The following TBXAS1 variants were observed in gnomAD, a reference collection of about 807,000 sequenced individuals.
The protein encoded by TBXAS1 is thromboxane-A synthase.
TBXAS1 carries 48 observed loss-of-function variants against 60.7 expected under a neutral mutation model. That is an observed-to-expected ratio of 0.79 (90% CI 0.63 to 1.01). The LOEUF (loss-of-function observed/expected upper bound fraction) is 1.01, where lower values mean the gene tolerates loss of function less well. Ranked by LOEUF, TBXAS1 falls within the 50% of genes least tolerant of loss-of-function variation. TBXAS1 has a pLI of 0.00. For synonymous variants in TBXAS1, 287 were observed against 269.7 expected, an observed-to-expected ratio of 1.06 and a Z score of -0.63; for missense variants, 685 against 686.3, an observed-to-expected ratio of 1.00 and a Z score of 0.02.
At chr7:139,895,370 T>C (rs995524249) in intron 3 of TBXAS1, among the ~76,000 whole-genome samples, 6 of 152,228 alleles carry the variant, frequency 3.9e-5, no homozygotes, top group African/African-American at 1.4e-4. Context: ...CTTAAAGCCA[T>C]GTCTTGCAGG....
At chr7:139,986,787 G>GTA (rs1569522798) in intron 9 of TBXAS1, among the ~76,000 whole-genome samples, 4 of 86,296 alleles carry the variant, frequency 4.6e-5, no homozygotes, top group African/African-American at 1.9e-4. Flanking sequence ...GTGTGTGTGT[G>GTA]TGTGTGTGTG....
chr7:139,939,049 C>G (rs1053762544), intron 5 of TBXAS1, among the ~76,000 whole-genome samples: 10 of 152,186 alleles, frequency 6.6e-5, no homozygotes, highest in African/African-American at 2.2e-4. Context: ...AATAGAGTTC[C>G]TCAATATGTC....
chr7:139,941,522 A>G lies in TBXAS1; in HGVS notation c.450+5215A>G, dbSNP rs547461392. 2.6e-3 allele frequency among the ~76,000 whole-genome samples: 391 copies of G among 152,252 alleles called. 1 individual carries two copies. The highest frequency in any genetic ancestry group is 9.1e-3 in the African/African-American group (377 of 41,546). ...GTGATTCATGCATCTCCAAGTCAGG[A>G]AAAAGAGACTATTGGAATCATAGCC... On this transcript the variant is annotated intron_variant, in intron 5 of 12. Coordinates refer to ENST00000448866, the MANE Select transcript of TBXAS1 (RefSeq NM_001061.7).
chr7:139,975,129 G>A lies in TBXAS1; in HGVS notation c.1134+12896G>A, dbSNP rs117175776. On this transcript the variant is annotated intron_variant, in intron 9 of 12. Transcript: ENST00000448866. The surrounding 1 kb of genome is among the most constrained non-coding windows in gnomAD (Gnocchi z 4.4). ...AGAAAACCTCAGTTTTTGCTCTTAC[G>A]GCCTTCAACCGATTGGATGAGGCAC... Among the ~76,000 whole-genome samples the A allele has an allele frequency of 0.012, 1,787 of 152,134 alleles. 16 individuals are homozygous for A. The highest frequency in any genetic ancestry group is 0.034 in the Middle Eastern group (10 of 294).
At chr7:140,001,031 A>G (rs985788736) in intron 9 of TBXAS1, among the ~76,000 whole-genome samples, 4 of 152,358 alleles carry the variant, frequency 2.6e-5, no homozygotes, top group East Asian at 1.9e-4. Context: ...GCCCAAGGCC[A>G]TGGCTAAGGG....
chr7:139,823,363 G>A (rs532381258), intron 4 of TBXAS1, among the ~76,000 whole-genome samples: 84 of 152,158 alleles, frequency 5.5e-4, no homozygotes, highest in African/African-American at 2.0e-3. Flanking sequence ...TATTCAATAA[G>A]TGTTTTCTAG....
intron 1 of TBXAS1, among the ~76,000 whole-genome samples, chr7:139,866,824 TA>T (rs1554478280): frequency 6.6e-6 from 1 of 151,724 alleles, no homozygotes; most frequent in Non-Finnish European, 1.5e-5. Flanking sequence ...AGCAAACATA[TA>T]AAAAATACAC....
Position 139,940,771 on chromosome 7 carries a change from T to G in TBXAS1, c.450+4464T>G, listed in dbSNP as rs1808224903. Among the ~76,000 whole-genome samples, 5 of 152,318 alleles carry G rather than the reference T, an allele frequency of 3.3e-5. No homozygotes were observed. In the South Asian group the frequency reaches 1.0e-3, roughly 32 times the overall value. ...GCTTTTTTCTTATTTTCTTTATGGT[T>G]AACTGCACACACTAGGTACATAATA... is the stretch of plus-strand genomic sequence containing the variant. On this transcript the variant is annotated intron_variant, in intron 5 of 12. Transcript: ENST00000448866.
chr7:139,927,519 A>G (rs1569514609), intron 4 of TBXAS1, among the ~76,000 whole-genome samples: 1 of 152,074 alleles, frequency 6.6e-6, no homozygotes, highest in Non-Finnish European at 1.5e-5. Flanking sequence ...ATTATTTTCA[A>G]TTGGTTAATC....
At chr7:139,909,005 C>A (rs1344386531) in intron 3 of TBXAS1, among the ~76,000 whole-genome samples, 2 of 152,144 alleles carry the variant, frequency 1.3e-5, no homozygotes. Context: ...TTCCTTCTGG[C>A]TTCCATGGTT....
At chr7:139,854,808 C>T (rs1182914697) in intron 1 of TBXAS1, among the ~76,000 whole-genome samples, 2 of 152,182 alleles carry the variant, frequency 1.3e-5, no homozygotes, top group East Asian at 3.9e-4. Context: ...ATTTCAGCTT[C>T]CCCAAGTCCA....
At chr7:139,905,881 T>G (rs928284993) in intron 3 of TBXAS1, among the ~76,000 whole-genome samples, 4 of 152,196 alleles carry the variant, frequency 2.6e-5, no homozygotes, top group Non-Finnish European at 5.9e-5. Context: ...TTGTCCTTTA[T>G]GGATTATGTT....
intron 1 of TBXAS1, among the ~76,000 whole-genome samples, chr7:139,848,369 T>C (rs1799970395): frequency 6.6e-6 from 1 of 152,152 alleles, no homozygotes; most frequent in African/African-American, 2.4e-5. Flanking sequence ...TGTGCATCAT[T>C]GATTATAATG....
intron 9 of TBXAS1, among the ~76,000 whole-genome samples, chr7:140,005,306 G>C (rs1346082007): frequency 6.6e-6 from 1 of 152,140 alleles, no homozygotes; most frequent in East Asian, 1.9e-4. Flanking sequence ...GCAGATGCCT[G>C]TAATCCCAGC....
At chr7:139,936,409 C>T in intron 5 of TBXAS1, 102 bp downstream of exon 5, 1 of 1,192,782 alleles carries the variant, frequency 8.4e-7, no homozygotes, top group Non-Finnish European at 1.2e-6. Flanking sequence ...GCCCAGGTGA[C>T]ACATCAAAAT....
At chr7:139,798,755 C>T (rs1048573419) in intron 4 of TBXAS1, among the ~76,000 whole-genome samples, 4 of 152,162 alleles carry the variant, frequency 2.6e-5, no homozygotes, top group South Asian at 2.1e-4. Context: ...AAATGAATTA[C>T]GTAGAGTGGT....
upstream of TBXAS1, among the ~76,000 whole-genome samples, chr7:139,828,146 C>A (rs2116467363): frequency 6.6e-6 from 1 of 152,178 alleles, no homozygotes; most frequent in South Asian, 2.1e-4. Flanking sequence ...TTAACATAAT[C>A]CCAGACTTCT....
chr7:139,934,456 G>C (rs1200798603), intron 4 of TBXAS1, among the ~76,000 whole-genome samples: 1 of 152,136 alleles, frequency 6.6e-6, no homozygotes, highest in Non-Finnish European at 1.5e-5. Flanking sequence ...CCAAAGTGCT[G>C]AGATTACAGG....
intron 3 of TBXAS1, among the ~76,000 whole-genome samples, chr7:139,783,350 G>GC (rs1170687408): frequency 2.2e-5 from 2 of 92,618 alleles, no homozygotes; most frequent in South Asian, 3.5e-4. Context: ...AGGAAATATG[G>GC]CAAAAAAAAA....
Sources: allele counts gnomAD v4.1 joint callset (sites outside exome capture counted in the v4.1 genomes callset), GRCh38; gene constraint gnomAD v4.1.1; non-coding constraint Gnocchi (gnomAD v3.1); transcripts MANE v1.5; gene names NCBI Gene and HGNC (gene_info 2026-07-23, HGNC 2026-07-21).